The following CACNA1C variants were observed in gnomAD, a reference collection of about 807,000 sequenced individuals.
The protein encoded by CACNA1C is voltage-dependent L-type calcium channel subunit alpha-1C.
A neutral mutation model predicts 229.0 loss-of-function variants in CACNA1C; 30 were observed. That is an observed-to-expected ratio of 0.13 (90% CI 0.10 to 0.18). CACNA1C has a LOEUF of 0.18. Ranked by LOEUF, CACNA1C falls within the 10% of genes least tolerant of loss-of-function variation. The pLI, the probability that CACNA1C is intolerant of heterozygous loss-of-function variation, is 1.00. For synonymous variants in CACNA1C, 1,114 were observed against 1,132.5 expected (o/e 0.98, Z 0.33); for missense variants, 1,658 against 2,845.0 (o/e 0.58, Z 9.49).
intron 5 of CACNA1C, among the ~76,000 whole-genome samples, chr12:2,466,170 G>A (rs942713789): frequency 6.6e-6 from 1 of 152,130 alleles, no homozygotes; most frequent in Non-Finnish European, 1.5e-5. Flanking sequence ...GGGCACATTA[G>A]GGCTGCTAAA....
Position 2,677,749 on chromosome 12 carries a change from T to C in CACNA1C, c.4973T>C (p.Leu1658Pro). Residue 1658 changes from leucine to proline, a missense_variant, in exon 41 of 47, where the codon CTG becomes CCG. Physicochemically the swap from Leu to Pro is moderately conservative, Grantham distance 98 (BLOSUM62 -3). Coordinates refer to ENST00000399655, the MANE Select transcript of CACNA1C (RefSeq NM_000719.7). The surrounding 1 kb of genome is among the most constrained non-coding windows in gnomAD (Gnocchi z 7.4). ...GGATTCCAGGCTGGCTTGCGCACAC[T>C]GCATGACATCGGGCCTGAGATCCGA... ...ALSLQAGLRTLHDIGPEIRRA... is the reference protein window; with the variant it reads ...ALSLQAGLRTPHDIGPEIRRA... 1 of 1,613,674 alleles carries C rather than the reference T, an allele frequency of 6.2e-7. No homozygotes were observed. The highest frequency in any genetic ancestry group is 8.5e-7 in the Non-Finnish European group (1 of 1,179,786).
chr12:1,996,358 A>G (rs1382471096), intron 1 of CACNA1C, among the ~76,000 whole-genome samples: 4 of 152,038 alleles, frequency 2.6e-5, no homozygotes, highest in Non-Finnish European at 5.9e-5. Context: ...AAACCAGTAT[A>G]AGCCCTCTGC....
intron 3 of CACNA1C, among the ~76,000 whole-genome samples, chr12:2,306,013 G>A (rs1470084425): frequency 6.6e-6 from 1 of 152,146 alleles, no homozygotes; most frequent in Non-Finnish European, 1.5e-5. Flanking sequence ...AGAAACGAAG[G>A]CACCAAGAGG....
intron 3 of CACNA1C, among the ~76,000 whole-genome samples, chr12:2,289,179 G>A (rs1172046316): frequency 1.3e-5 from 2 of 152,206 alleles, no homozygotes; most frequent in East Asian, 1.9e-4. Context: ...GTGTCAGGGG[G>A]TGCAGACAGT....
chr12:2,053,718 C>T lies in CACNA1C; in HGVS notation c.49+107C>T. 5.0e-6 allele frequency: 3 copies of T among 594,468 alleles called. No homozygotes were observed. The highest frequency in any genetic ancestry group is 7.7e-5 in the South Asian group (1 of 13,036). 36.8% of individuals were successfully genotyped at this position (594,468 alleles called of 1,614,324 possible). A position where few individuals can be genotyped will look rare whatever the true frequency, so the allele number is the denominator to read the frequency against. On this transcript the variant is annotated intron_variant, in intron 1 of 46. Transcript: ENST00000399655. This position sits in a 1 kb window ranked among gnomAD's most constrained non-coding sequence, Gnocchi z 5.8. Reference sequence around the variant, plus strand: ...CGGGGCCGGTCCCTGCGGAGTGGCCCGGGGCCGCGTCCGCGAGGGGCGCCT... The same window carrying T: ...CGGGGCCGGTCCCTGCGGAGTGGCCTGGGGCCGCGTCCGCGAGGGGCGCCT...
chr12:1,998,094 C>T, intron 1 of CACNA1C: 7 of 755,984 alleles, frequency 9.3e-6, no homozygotes, highest in Non-Finnish European at 1.4e-5. Flanking sequence ...ATATACCCAA[C>T]ATGAGGAGTT....
At chr12:2,565,200 G>A (rs896168781) in intron 11 of CACNA1C, among the ~76,000 whole-genome samples, 2 of 151,982 alleles carry the variant, frequency 1.3e-5, no homozygotes, top group Non-Finnish European at 2.9e-5. Context: ...CGGGCGCGGT[G>A]GCTCACGCCT....
At chr12:2,295,792 A>C (rs2093983915) in intron 3 of CACNA1C, among the ~76,000 whole-genome samples, 1 of 152,252 alleles carries the variant, frequency 6.6e-6, no homozygotes, top group Non-Finnish European at 1.5e-5. Context: ...GACCAAGGTC[A>C]TGTGGCTAGT....
intron 3 of CACNA1C, among the ~76,000 whole-genome samples, chr12:2,256,281 C>T (rs2077750438): frequency 6.6e-6 from 1 of 152,188 alleles, no homozygotes; most frequent in African/African-American, 2.4e-5. Context: ...CTGGTTACTT[C>T]TCCATCAATG....
Position 2,666,137 on chromosome 12 carries a change from T to C in CACNA1C, c.4526+429T>C, listed in dbSNP as rs113050106. Among the ~76,000 whole-genome samples, 24 of 152,138 alleles carry C rather than the reference T, an allele frequency of 1.6e-4. No individual in the cohort carries two copies. Among genetic ancestry groups the C allele is most frequent in the African/African-American group, 5.5e-4 (23 of 41,466 alleles). On this transcript the variant is annotated intron_variant, in intron 36 of 46. Coordinates refer to ENST00000399655, the MANE Select transcript of CACNA1C (RefSeq NM_000719.7). The surrounding 1 kb of genome is among the most constrained non-coding windows in gnomAD (Gnocchi z 5.3). ...CTGGGAGGTGGAGGTTGCAGCGAGCTGAGATCACACCACTGCACTCCAGCC... is the reference window on the plus strand; with the variant it reads ...CTGGGAGGTGGAGGTTGCAGCGAGCCGAGATCACACCACTGCACTCCAGCC...
At chr12:2,658,097 C>CAATT (rs2095515997) in intron 34 of CACNA1C, among the ~76,000 whole-genome samples, 1 of 151,914 alleles carries the variant, frequency 6.6e-6, no homozygotes, top group Non-Finnish European at 1.5e-5. Context: ...CTAAATAATA[C>CAATT]AATTAACAGA....
intron 3 of CACNA1C, among the ~76,000 whole-genome samples, chr12:2,257,034 G>A (rs1566719082): frequency 6.6e-6 from 1 of 152,202 alleles, no homozygotes. Flanking sequence ...GGACGGGGGT[G>A]GCTCTGCTCC....
rs1567031531 is a variant in CACNA1C, at chr12:2,319,055, C to T, written c.478-129921C>T. Among the ~76,000 whole-genome samples, 1 of 151,996 alleles carries T rather than the reference C, an allele frequency of 6.6e-6. No individual in the cohort carries two copies. Among genetic ancestry groups the T allele is most frequent in the Non-Finnish European group, 1.5e-5 (1 of 67,994 alleles). The stretch of plus-strand genomic sequence containing the variant: ...TTTCCAAGGACCAATCTTTACTCTC[C>T]AGAGTGGGGCTTGTGAGTCTCTCAC... On this transcript the variant is annotated intron_variant, in intron 3 of 46. Transcript: ENST00000399655. The surrounding 1 kb of genome is among the most constrained non-coding windows in gnomAD (Gnocchi z 4.0).
At chr12:2,258,872 G>A (rs905206975) in intron 3 of CACNA1C, among the ~76,000 whole-genome samples, 9 of 152,076 alleles carry the variant, frequency 5.9e-5, no homozygotes, top group African/African-American at 2.2e-4. Context: ...AGAGAAGAAG[G>A]CACAAATCTC....
At chr12:2,171,486 T>TG (rs1566121394) in intron 3 of CACNA1C, among the ~76,000 whole-genome samples, 2 of 151,946 alleles carry the variant, frequency 1.3e-5, no homozygotes, top group Admixed American at 1.3e-4. Flanking sequence ...GACGGGGAGG[T>TG]GGGGACTCCA....
intron 5 of CACNA1C, among the ~76,000 whole-genome samples, chr12:2,485,373 C>G (rs2099693706): frequency 6.6e-6 from 1 of 152,100 alleles, no homozygotes; most frequent in Admixed American, 6.5e-5. Flanking sequence ...TGCAGTGTCC[C>G]TTTAAATGAA....
intron 1 of CACNA1C, chr12:1,993,428 C>T: frequency 6.3e-7 from 1 of 1,598,340 alleles, no homozygotes; most frequent in South Asian, 1.1e-5. Context: ...AATCAATAGA[C>T]AAATTGCTTA....
At chr12:2,064,822 G>A (rs1565461729) in intron 1 of CACNA1C, among the ~76,000 whole-genome samples, 1 of 152,030 alleles carries the variant, frequency 6.6e-6, no homozygotes, top group Non-Finnish European at 1.5e-5. Flanking sequence ...TAATATCATC[G>A]GCTGCATTTC....
chr12:2,028,806 T>C (rs1033436374), intron 1 of CACNA1C, among the ~76,000 whole-genome samples: 1 of 152,220 alleles, frequency 6.6e-6, no homozygotes, highest in African/African-American at 2.4e-5. Flanking sequence ...GTGATGATGA[T>C]GAAATAAACC....
Sources: gnomAD v4.1 joint callset for allele counts (sites outside exome capture counted in the v4.1 genomes callset) on GRCh38, gnomAD v4.1.1 for gene constraint, Gnocchi (gnomAD v3.1) non-coding constraint, MANE v1.5 for transcripts, NCBI Gene and HGNC (gene_info 2026-07-23, HGNC 2026-07-21) for gene names.